PCDHA10: variants seen among roughly 807,000 people sequenced by gnomAD.
The protein encoded by PCDHA10 is protocadherin alpha-10.
PCDHA10 carries 45 observed loss-of-function variants against 61.2 expected under a neutral mutation model. That is an observed-to-expected ratio of 0.74 (90% confidence interval 0.58 to 0.94). PCDHA10 has a LOEUF of 0.94. Ranked by LOEUF, PCDHA10 falls within the 40% of genes least tolerant of loss-of-function variation. The pLI is 0.00. For synonymous variants in PCDHA10, 602 were observed against 548.8 expected (o/e 1.10, Z -1.35); for missense variants, 1,278 against 1,236.2 (o/e 1.03, Z -0.51).
chr5:140,928,258 G>A lies in PCDHA10; in HGVS notation c.2389-50691G>A, dbSNP rs782503341. 15 of 1,614,094 alleles carry A rather than the reference G, an allele frequency of 9.3e-6. No individual in the cohort carries two copies. The Admixed American group carries it at 2.0e-4, about 22-fold the overall frequency. On this transcript the variant is annotated intron_variant, in intron 1 of 3. Transcript: ENST00000307360. The stretch of plus-strand genomic sequence containing the variant: ...ACCCCAGCAGGAACTTTTCGTTGCT[G>A]AAAACAATGGCCCTGGGGCCTCTCT...
intron 1 of PCDHA10, chr5:140,967,309 A>G (rs782218334): frequency 6.2e-7 from 1 of 1,611,224 alleles, no homozygotes; most frequent in East Asian, 2.2e-5. Context: ...GCGCCAACTC[A>G]GTACAGACCT....
intron 1 of PCDHA10, chr5:140,883,223 T>C: frequency 6.2e-7 from 1 of 1,613,922 alleles, no homozygotes; most frequent in Non-Finnish European, 8.5e-7. Flanking sequence ...ATATGAAATA[T>C]CCGTGGAGGC....
intron 3 of PCDHA10, among the ~76,000 whole-genome samples, chr5:141,007,112 G>A (rs1554261059): frequency 6.6e-6 from 1 of 152,170 alleles, no homozygotes; most frequent in African/African-American, 2.4e-5. Flanking sequence ...ACCCAAGGAA[G>A]CTTCAACACA....
intron 1 of PCDHA10, among the ~76,000 whole-genome samples, chr5:140,961,121 T>A (rs551567804): frequency 6.6e-6 from 1 of 152,330 alleles, no homozygotes; most frequent in African/African-American, 2.4e-5. Context: ...TGCATCTTAA[T>A]GTCTTGGCAC....
intron 2 of PCDHA10, among the ~76,000 whole-genome samples, chr5:140,981,130 CAA>C (rs1267278229): frequency 6.6e-6 from 1 of 152,186 alleles, no homozygotes; most frequent in East Asian, 1.9e-4. Flanking sequence ...TGTTTGAAGT[CAA>C]AGAGTGAGAA....
intron 1 of PCDHA10, among the ~76,000 whole-genome samples, chr5:140,959,018 A>T (rs1374346226): frequency 6.6e-6 from 1 of 152,078 alleles, no homozygotes; most frequent in Non-Finnish European, 1.5e-5. Flanking sequence ...TTTATACATT[A>T]AGCTTTATCA....
chr5:140,932,562 G>A lies in PCDHA10; in HGVS notation c.2389-46387G>A, dbSNP rs566002035. The stretch of plus-strand genomic sequence containing the variant: ...TTATTTAACATACATTCCACAAGTA[G>A]ACTTTCCCATAGGGTAATTAGATGT... On this transcript the variant is annotated intron_variant, in intron 1 of 3. Coordinates refer to ENST00000307360, the MANE Select transcript of PCDHA10 (RefSeq NM_018901.4). Among the ~76,000 whole-genome samples the A allele has an allele frequency of 1.9e-4, 29 of 151,988 alleles. No individual in the cohort carries two copies. The South Asian group carries it at 6.0e-3, about 32-fold the overall frequency.
intron 1 of PCDHA10, chr5:140,876,818 A>G: frequency 6.2e-7 from 1 of 1,614,158 alleles, no homozygotes; most frequent in Non-Finnish European, 8.5e-7. Flanking sequence ...GCCGACGTGA[A>G]CGACAATGCG....
chr5:140,863,392 C>A (rs782692076), intron 1 of PCDHA10: 3 of 921,584 alleles, frequency 3.3e-6, no homozygotes, highest in Non-Finnish European at 3.4e-6. Context: ...CTCGTGCATG[C>A]CGGGCAAGCC....
At chr5:140,862,566 T>G in intron 1 of PCDHA10, 4 of 478,186 alleles carry the variant, frequency 8.4e-6, no homozygotes, top group South Asian at 4.9e-5. Context: ...TGAACCACAA[T>G]GCCCTGGCGT....
chr5:140,860,307 G>A (rs181918299), intron 1 of PCDHA10: 3 of 152,082 alleles, frequency 2.0e-5, no homozygotes, highest in Admixed American at 2.0e-4. Flanking sequence ...CTTGAGCCTG[G>A]GAAGTTGAGG....
chr5:140,860,441 A>T (rs1038700248), intron 1 of PCDHA10: 3 of 152,166 alleles, frequency 2.0e-5, no homozygotes, highest in African/African-American at 4.8e-5. Context: ...GATCTTTTTC[A>T]TATTAATTCA....
chr5:140,872,477 A>G (rs968507113), intron 1 of PCDHA10, among the ~76,000 whole-genome samples: 3 of 152,118 alleles, frequency 2.0e-5, no homozygotes, highest in African/African-American at 7.2e-5. Flanking sequence ...AAATTAAAAA[A>G]TTAGCCAGAC....
chr5:140,968,574 T>A (rs2096256536), intron 1 of PCDHA10: 1 of 1,614,218 alleles, frequency 6.2e-7, no homozygotes, highest in Non-Finnish European at 8.5e-7. Flanking sequence ...GCTGGCTACC[T>A]GGTCACCAAA....
chr5:140,978,246 C>T (rs1243560833), intron 1 of PCDHA10, among the ~76,000 whole-genome samples: 1 of 152,148 alleles, frequency 6.6e-6, no homozygotes, highest in Non-Finnish European at 1.5e-5. Flanking sequence ...TCAGCTACTC[C>T]CTGTTAAACA....
At chr5:140,875,516 T>G in intron 1 of PCDHA10, 1 of 1,613,976 alleles carries the variant, frequency 6.2e-7, no homozygotes, top group Non-Finnish European at 8.5e-7. Context: ...CAGCGTCTGC[T>G]GCTCTCGCTT....
At chr5:140,870,819 G>C (rs1365807310) in intron 1 of PCDHA10, 3 of 1,613,714 alleles carry the variant, frequency 1.9e-6, no homozygotes, top group South Asian at 1.1e-5. Flanking sequence ...CTGGCAGCGC[G>C]GGAGGCGCAG....
Position 141,010,180 on chromosome 5 carries a change from AC to A in PCDHA10, c.*246del. The stretch of plus-strand genomic sequence containing the variant: ...CTTGTTTTCAGAACCTAAAAAGCAG[AC>A]CCAAGTTTCCTTTCTCCTCCGCCGC... On this transcript the variant is annotated 3_prime_UTR_variant, in exon 4 of 4. Coordinates refer to ENST00000307360, the MANE Select transcript of PCDHA10 (RefSeq NM_018901.4). 2 of 1,554,710 alleles carry A rather than the reference AC, an allele frequency of 1.3e-6. No individual in the cohort carries two copies. The highest frequency in any genetic ancestry group is 1.7e-6 in the Non-Finnish European group (2 of 1,148,310).
At chr5:140,888,159 C>T (rs1468895090) in intron 1 of PCDHA10, among the ~76,000 whole-genome samples, 1 of 152,080 alleles carries the variant, frequency 6.6e-6, no homozygotes, top group Non-Finnish European at 1.5e-5. Flanking sequence ...GACTGGTAAT[C>T]TCTAATAAGA....
Sources: gnomAD v4.1 joint callset for allele counts (sites outside exome capture counted in the v4.1 genomes callset) on GRCh38, gnomAD v4.1.1 for gene constraint, MANE v1.5 for transcripts, NCBI Gene and HGNC (gene_info 2026-07-23, HGNC 2026-07-21) for gene names.